Variants in MBNL1 observed in about 807,000 individuals in gnomAD.
MBNL1 encodes muscleblind like splicing regulator 1, also known as muscleblind-like protein 1.
MBNL1 carries 8 observed loss-of-function variants against 42.2 expected under a neutral mutation model. The ratio of observed to expected loss-of-function variants is 0.19; its 90% CI spans 0.11 to 0.34. The LOEUF is 0.34. Among genes scored for constraint, MBNL1 ranks in the 10% least tolerant of loss-of-function variants. The pLI, the probability that MBNL1 is intolerant of heterozygous loss-of-function variation, is 1.00. For missense variants in MBNL1, 309 were observed against 495.3 expected (o/e 0.62, Z 3.57); for synonymous variants, 169 against 173.9 (o/e 0.97, Z 0.22).
At chr3:152,357,788 T>C (rs2153080111) in intron 2 of MBNL1, among the ~76,000 whole-genome samples, 1 of 152,326 alleles carries the variant, frequency 6.6e-6, no homozygotes, top group South Asian at 2.1e-4. Context: ...TAGGGGAATC[T>C]AAGCTTCAGT....
At chr3:152,342,152 A>G (rs1257220152) in intron 2 of MBNL1, among the ~76,000 whole-genome samples, 2 of 152,152 alleles carry the variant, frequency 1.3e-5, no homozygotes, top group South Asian at 2.1e-4. Context: ...GAGTCCATCC[A>G]TCCTTAGAGG....
Position 152,390,927 on chromosome 3 carries a change from G to A in MBNL1, c.175-24014G>A, listed in dbSNP as rs536508356. Among the ~76,000 whole-genome samples, 6 of 152,264 alleles carry A rather than the reference G, an allele frequency of 3.9e-5. No homozygotes were observed. The East Asian group carries it at 1.2e-3, about 29-fold the overall frequency. On this transcript the variant is annotated intron_variant, in intron 2 of 9. Transcript: ENST00000324210. ...ACCTTTGAAGTGCAGTGATGTGAGA[G>A]CGAGACTAGAAAACTTTCATTTAAC...
At chr3:152,419,907 C>T (rs746110386) in intron 3 of MBNL1, among the ~76,000 whole-genome samples, 13 of 152,116 alleles carry the variant, frequency 8.5e-5, no homozygotes, top group Non-Finnish European at 1.5e-4. Flanking sequence ...CTGAGACTAT[C>T]GAGCTTGGTA....
chr3:152,265,633 T>C (rs991947317), upstream of MBNL1: 3 of 152,230 alleles, frequency 2.0e-5, no homozygotes, highest in African/African-American at 7.2e-5. Flanking sequence ...ATAAAAACCA[T>C]ATTCCTTAAC....
At chr3:152,353,021 A>C (rs1188199519) in intron 2 of MBNL1, among the ~76,000 whole-genome samples, 3 of 152,246 alleles carry the variant, frequency 2.0e-5, no homozygotes, top group African/African-American at 4.8e-5. Context: ...CAACACTTGT[A>C]GTAAACTCTC....
At chr3:152,246,882 A>T (rs1250050951) in intron 2 of MBNL1, among the ~76,000 whole-genome samples, 4 of 152,106 alleles carry the variant, frequency 2.6e-5, no homozygotes, top group African/African-American at 9.7e-5. Flanking sequence ...CCTTCACAAG[A>T]TGACCTTCCC....
chr3:152,336,018 T>C (rs939060794), intron 2 of MBNL1, among the ~76,000 whole-genome samples: 1 of 152,202 alleles, frequency 6.6e-6, no homozygotes, highest in African/African-American at 2.4e-5. Flanking sequence ...GCACCTACTA[T>C]GTTGCTAGGC....
intron 4 of MBNL1, among the ~76,000 whole-genome samples, chr3:152,441,938 G>A (rs564135720): frequency 7.9e-5 from 12 of 152,106 alleles, no homozygotes; most frequent in Middle Eastern, 3.4e-3. Context: ...GATTACAGGC[G>A]CCTGCCACCA....
chr3:152,378,773 A>G (rs936581612), intron 2 of MBNL1, among the ~76,000 whole-genome samples: 6 of 152,128 alleles, frequency 3.9e-5, no homozygotes, highest in Admixed American at 1.3e-4. Context: ...GTGGGATACA[A>G]TGGTGCAATC....
intron 2 of MBNL1, 113 bp from the exon 3 acceptor site, chr3:152,414,828 A>G (rs547109874): frequency 3.1e-6 from 3 of 954,554 alleles, no homozygotes; most frequent in Admixed American, 4.4e-5. Flanking sequence ...TGGACAATGC[A>G]TTGTGTGAAA....
chr3:152,247,274 G>T (rs930735123), intron 2 of MBNL1, among the ~76,000 whole-genome samples: 6 of 151,974 alleles, frequency 3.9e-5, no homozygotes, highest in Non-Finnish European at 7.4e-5. Flanking sequence ...TCCTGTGTTT[G>T]TTGACTTTCT....
intron 6 of MBNL1, among the ~76,000 whole-genome samples, chr3:152,453,349 T>C (rs184233888): frequency 3.3e-4 from 50 of 152,242 alleles, no homozygotes; most frequent in African/African-American, 1.0e-3. Context: ...TTTCCTACAT[T>C]TTCATACATA....
At chr3:152,374,781 A>G (rs566739645) in intron 2 of MBNL1, among the ~76,000 whole-genome samples, 3 of 152,334 alleles carry the variant, frequency 2.0e-5, no homozygotes, top group African/African-American at 7.2e-5. Flanking sequence ...ATAAATTGCC[A>G]CACCCACTGT....
At chr3:152,371,774 T>A (rs539877174) in intron 2 of MBNL1, among the ~76,000 whole-genome samples, 2 of 152,290 alleles carry the variant, frequency 1.3e-5, no homozygotes, top group East Asian at 3.9e-4. Flanking sequence ...GATGATTACG[T>A]GTCTTGGGGC....
At chr3:152,376,740 G>A (rs968527529) in intron 2 of MBNL1, among the ~76,000 whole-genome samples, 4 of 152,106 alleles carry the variant, frequency 2.6e-5, no homozygotes, top group Non-Finnish European at 5.9e-5. Flanking sequence ...CCATCTCCTA[G>A]CAGATGAGCT....
upstream of MBNL1, chr3:152,268,646 C>A: frequency 2.4e-6 from 1 of 414,210 alleles, no homozygotes; most frequent in South Asian, 1.7e-5. Context: ...ATCCACGGCG[C>A]CCGCGCGGGC....
chr3:152,292,666 A>G (rs2056620864), intron 1 of MBNL1, among the ~76,000 whole-genome samples: 1 of 151,726 alleles, frequency 6.6e-6, no homozygotes, highest in Non-Finnish European at 1.5e-5. Flanking sequence ...AAACTTAGTC[A>G]TTTACATATC....
Position 152,460,399 on chromosome 3 carries a change from G to A in MBNL1, c.*18+1054G>A, listed in dbSNP as rs1743183241. ...AGGATCATATAATTCTGAAAATGTTGCCATTGCCACATTTTAAAAATGGTT... is the reference window on the plus strand; with the variant it reads ...AGGATCATATAATTCTGAAAATGTTACCATTGCCACATTTTAAAAATGGTT... On this transcript the variant is annotated intron_variant, in intron 9 of 9. Coordinates refer to ENST00000324210, the MANE Select transcript of MBNL1 (RefSeq NM_021038.5). Among the ~76,000 whole-genome samples the A allele has an allele frequency of 2.8e-5, 4 of 142,814 alleles. No homozygotes were observed. In the South Asian group the frequency reaches 8.8e-4, roughly 32 times the overall value. The allele number at this position is 142,814 out of a possible 152,430, so 93.7% of individuals were successfully genotyped here. A position where few individuals can be genotyped will look rare whatever the true frequency, so the allele number is the denominator to read the frequency against.
At chr3:152,349,898 AAG>A (rs1427683746) in intron 2 of MBNL1, among the ~76,000 whole-genome samples, 1 of 152,092 alleles carries the variant, frequency 6.6e-6, no homozygotes, top group Non-Finnish European at 1.5e-5. Flanking sequence ...GCCCTTTGCT[AAG>A]ATAAGAAATA....
Sources: gnomAD v4.1 joint callset for allele counts (sites outside exome capture counted in the v4.1 genomes callset) on GRCh38, gnomAD v4.1.1 for gene constraint, MANE v1.5 for transcripts, NCBI Gene and HGNC (gene_info 2026-07-23, HGNC 2026-07-21) for gene names.